LRRTM4: variants seen among roughly 807,000 people sequenced by gnomAD.
The protein encoded by LRRTM4 is leucine rich repeat transmembrane neuronal 4, also known as leucine-rich repeat transmembrane neuronal protein 4.
In LRRTM4, 25 loss-of-function variants were observed where a neutral mutation model predicts 47.6. That is an observed-to-expected ratio of 0.53 (90% CI 0.38 to 0.73). LRRTM4 has a LOEUF of 0.73. Ranked by LOEUF, LRRTM4 falls within the 30% of genes least tolerant of loss-of-function variation. The pLI, the probability that LRRTM4 is intolerant of heterozygous loss-of-function variation, is 0.00. For synonymous variants in LRRTM4, 311 were observed against 269.5 expected, an observed-to-expected ratio of 1.15 and a Z score of -1.51; for missense variants, 638 against 713.4, an observed-to-expected ratio of 0.89 and a Z score of 1.20.
intron 3 of LRRTM4, among the ~76,000 whole-genome samples, chr2:77,313,125 G>T (rs1473583243): frequency 6.6e-6 from 1 of 152,170 alleles, no homozygotes; most frequent in Non-Finnish European, 1.5e-5. Flanking sequence ...CTCGTGCTGG[G>T]ATGTGCCTCC....
intron 3 of LRRTM4, among the ~76,000 whole-genome samples, chr2:76,949,442 G>C (rs918754680): frequency 6.6e-6 from 1 of 151,862 alleles, no homozygotes; most frequent in Non-Finnish European, 1.5e-5. Context: ...CTAGGGAATG[G>C]AATAAAGTAC....
At chr2:77,202,459 G>T (rs1173707412) in intron 3 of LRRTM4, among the ~76,000 whole-genome samples, 1 of 152,016 alleles carries the variant, frequency 6.6e-6, no homozygotes, top group Non-Finnish European at 1.5e-5. Flanking sequence ...ACGCTTTAAC[G>T]TATATGTCTA....
rs538447279 is a variant in LRRTM4, at chr2:77,156,233, C to A, written c.1551+362085G>T. 1.8e-3 allele frequency among the ~76,000 whole-genome samples: 262 copies of A among 148,322 alleles called. 2 individuals are homozygous for A. The highest frequency in any genetic ancestry group is 6.2e-3 in the African/African-American group (252 of 40,544). On this transcript the variant is annotated intron_variant, in intron 3 of 3. Transcript: ENST00000409884. Reference sequence around the variant, plus strand: ...ATATTTACTATTTAGCAAATAGAAGCACAACTATGAAATAACAGAATAAAA... The same window carrying A: ...ATATTTACTATTTAGCAAATAGAAGAACAACTATGAAATAACAGAATAAAA...
intron 3 of LRRTM4, among the ~76,000 whole-genome samples, chr2:76,872,744 C>T (rs1672661327): frequency 6.6e-6 from 1 of 151,944 alleles, no homozygotes; most frequent in African/African-American, 2.4e-5. Context: ...GGAGGTGAGA[C>T]CTAACAGGAG....
chr2:77,417,698 G>A (rs1674695053), intron 3 of LRRTM4, among the ~76,000 whole-genome samples: 1 of 151,194 alleles, frequency 6.6e-6, no homozygotes, highest in Admixed American at 6.6e-5. Flanking sequence ...CCACTCATAG[G>A]TGGGAATTGA....
At chr2:76,952,348 C>G (rs1382175725) in intron 3 of LRRTM4, among the ~76,000 whole-genome samples, 1 of 151,818 alleles carries the variant, frequency 6.6e-6, no homozygotes, top group Non-Finnish European at 1.5e-5. Flanking sequence ...AACAAATCAA[C>G]AAGAAAACAA....
chr2:77,204,692 A>T (rs1277179128), intron 3 of LRRTM4, among the ~76,000 whole-genome samples: 2 of 152,176 alleles, frequency 1.3e-5, no homozygotes, highest in Non-Finnish European at 2.9e-5. Context: ...ATTGTTAAAA[A>T]GTTTGATTGT....
intron 3 of LRRTM4, among the ~76,000 whole-genome samples, chr2:77,185,544 G>T (rs993520638): frequency 2.0e-5 from 3 of 152,080 alleles, no homozygotes; most frequent in Non-Finnish European, 2.9e-5. Flanking sequence ...AGTGACCAAG[G>T]TCACACAGCA....
At chr2:77,071,411 T>G (rs955663498) in intron 3 of LRRTM4, among the ~76,000 whole-genome samples, 2 of 152,148 alleles carry the variant, frequency 1.3e-5, no homozygotes, top group African/African-American at 2.4e-5. Flanking sequence ...AAATTGAAAA[T>G]TTATGAGTGA....
At chr2:77,441,960 G>A (rs1467900513) in intron 3 of LRRTM4, among the ~76,000 whole-genome samples, 2 of 152,118 alleles carry the variant, frequency 1.3e-5, no homozygotes, top group Non-Finnish European at 2.9e-5. Context: ...AACTTGCAGA[G>A]GAGATGTCAC....
intron 3 of LRRTM4, among the ~76,000 whole-genome samples, chr2:76,767,560 T>C (rs1325278961): frequency 1.3e-5 from 2 of 151,622 alleles, no homozygotes; most frequent in East Asian, 1.9e-4. Flanking sequence ...TAAACCACTC[T>C]ATAATATCTA....
chr2:76,875,105 C>G (rs1463529636), intron 3 of LRRTM4, among the ~76,000 whole-genome samples: 1 of 152,060 alleles, frequency 6.6e-6, no homozygotes. Flanking sequence ...AAAGCTTCTG[C>G]ATGAGGCCAA....
chr2:76,857,608 GCA>G (rs1672193319), intron 3 of LRRTM4, among the ~76,000 whole-genome samples: 1 of 152,042 alleles, frequency 6.6e-6, no homozygotes, highest in South Asian at 2.1e-4. Context: ...ACCTAACACA[GCA>G]TTATAGTCTT....
At chr2:77,294,478 C>T (rs1047235894) in intron 3 of LRRTM4, among the ~76,000 whole-genome samples, 3 of 151,962 alleles carry the variant, frequency 2.0e-5, no homozygotes, top group Non-Finnish European at 4.4e-5. Context: ...AAATTGCAAC[C>T]GTTTTGTGTT....
At chr2:77,141,548 C>A (rs1672123256) in intron 3 of LRRTM4, among the ~76,000 whole-genome samples, 1 of 152,028 alleles carries the variant, frequency 6.6e-6, no homozygotes, top group Admixed American at 6.6e-5. Flanking sequence ...TGCAGCACAC[C>A]AACATGGCGC....
At chr2:77,026,555 A>G (rs1419853207) in intron 3 of LRRTM4, among the ~76,000 whole-genome samples, 1 of 152,156 alleles carries the variant, frequency 6.6e-6, no homozygotes, top group Non-Finnish European at 1.5e-5. Flanking sequence ...GTAAGTGAAT[A>G]GCCTATTTCT....
chr2:77,489,600 A>G (rs916495299), intron 3 of LRRTM4, among the ~76,000 whole-genome samples: 3 of 152,246 alleles, frequency 2.0e-5, no homozygotes, highest in African/African-American at 7.2e-5. Context: ...GTGCTTAAGA[A>G]TAATTATTTT....
chr2:77,052,414 C>T (rs1448511223), intron 3 of LRRTM4, among the ~76,000 whole-genome samples: 2 of 151,796 alleles, frequency 1.3e-5, no homozygotes, highest in East Asian at 3.9e-4. Context: ...GGAGATCCAC[C>T]CGCCTTGGCC....
intron 3 of LRRTM4, among the ~76,000 whole-genome samples, chr2:77,011,375 T>C (rs893040636): frequency 8.5e-5 from 13 of 152,214 alleles, no homozygotes; most frequent in Middle Eastern, 3.4e-3. Flanking sequence ...TCACATTGGA[T>C]AGAATACAGC....
Sources: gnomAD v4.1 joint callset for allele counts (sites outside exome capture counted in the v4.1 genomes callset) on GRCh38, gnomAD v4.1.1 for gene constraint, MANE v1.5 for transcripts, NCBI Gene and HGNC (gene_info 2026-07-23, HGNC 2026-07-21) for gene names.